The following EDNRB variants were observed in gnomAD, a reference collection of about 807,000 sequenced individuals.
EDNRB encodes the protein Hirschsprung disease 2.
A neutral mutation model predicts 46.4 loss-of-function variants in EDNRB; 18 were observed. That is an observed-to-expected ratio of 0.39 (90% CI 0.27 to 0.57). The LOEUF is 0.57. Ranked by LOEUF, EDNRB falls within the 20% of genes least tolerant of loss-of-function variation. The pLI, the probability that EDNRB is intolerant of heterozygous loss-of-function variation, is 0.61. For missense variants in EDNRB, 434 were observed against 537.5 expected, an observed-to-expected ratio of 0.81 and a Z score of 1.90; for synonymous variants, 213 against 204.9, an observed-to-expected ratio of 1.04 and a Z score of -0.34.
chr13:77,918,294 T>C lies in EDNRB; in HGVS notation c.280A>G (p.Ile94Val), dbSNP rs772055405. 1.2e-6 allele frequency: 2 copies of C among 1,611,598 alleles called. No individual in the cohort carries two copies. Among genetic ancestry groups the C allele is most frequent in the African/African-American group, 2.7e-5 (2 of 74,692 alleles). ...TISPPPCQGP[I>V]EIKETFKYIN... is the part of the protein sequence containing the mutation. Reference sequence around the variant, plus strand: ...TATTTGAAAGTCTCCTTGATCTCGATGGGTCCTTGGCACGGGGGAGGGGAG... The same window carrying C: ...TATTTGAAAGTCTCCTTGATCTCGACGGGTCCTTGGCACGGGGGAGGGGAG... Residue 94 changes from isoleucine to valine, a missense_variant, in exon 1 of 7, where the codon ATC becomes GTC. Transcript: ENST00000646607. This position sits in a 1 kb window ranked among gnomAD's most constrained non-coding sequence, Gnocchi z 4.5.
At chr13:77,917,952 A>G (rs781399496) in intron 1 of EDNRB, 139 bp downstream of exon 1, 73 of 1,352,678 alleles carry the variant, frequency 5.4e-5, no homozygotes, top group Non-Finnish European at 7.1e-5. Context: ...ATTTGGTTCC[A>G]AAGATTACTG....
At chr13:77,970,015 C>T (rs1042588257) in intron 1 of EDNRB, among the ~76,000 whole-genome samples, 2 of 152,140 alleles carry the variant, frequency 1.3e-5, no homozygotes, top group Non-Finnish European at 2.9e-5. Context: ...CTTTAACATT[C>T]CCACTTGCCT....
chr13:77,945,901 A>AAAAAAAAAAAAAAAAAAAAAAAAC (rs1391892820), intron 1 of EDNRB, among the ~76,000 whole-genome samples: 2 of 150,708 alleles, frequency 1.3e-5, no homozygotes, highest in Non-Finnish European at 3.0e-5. Context: ...AAACAAAAAA[A>AAAAAAAAAAAAAAAAAAAAAAAAC]ACACACAATC....
intron 1 of EDNRB, among the ~76,000 whole-genome samples, chr13:77,907,962 G>A (rs1461016456): frequency 1.6e-5 from 2 of 128,626 alleles, no homozygotes; most frequent in Admixed American, 9.5e-5. Flanking sequence ...AGTCAGACAC[G>A]TAATCACCAC....
intron 1 of EDNRB, among the ~76,000 whole-genome samples, chr13:77,948,386 C>T (rs1045207402): frequency 5.9e-5 from 9 of 152,134 alleles, no homozygotes; most frequent in Non-Finnish European, 1.0e-4. Context: ...TCCCTGAGAT[C>T]CATGTCTTTA....
intron 1 of EDNRB, among the ~76,000 whole-genome samples, chr13:77,910,669 A>G (rs2137627071): frequency 6.6e-6 from 1 of 152,132 alleles, no homozygotes; most frequent in East Asian, 1.9e-4. Context: ...TGAGTTAGAA[A>G]TATGTGGGTC....
chr13:77,898,849 C>A (rs1594354854), intron 6 of EDNRB, among the ~76,000 whole-genome samples: 1 of 151,952 alleles, frequency 6.6e-6, no homozygotes, highest in Non-Finnish European at 1.5e-5. Flanking sequence ...TGCTTTTTCT[C>A]ACTTGACAGT....
In EDNRB at chr13:77,896,823, C is replaced by T. The variant is rs1054861034; in HGVS notation, c.*1377G>A. 9.5e-6 allele frequency: 11 copies of T among 1,163,712 alleles called. No individual in the cohort carries two copies. In the Admixed American group the frequency reaches 4.3e-4, roughly 46 times the overall value. The allele number at this position is 1,163,712 out of a possible 1,614,324, so 72.1% of individuals were successfully genotyped here. A position where few individuals can be genotyped will look rare whatever the true frequency, so the allele number is the denominator to read the frequency against. On this transcript the variant is annotated 3_prime_UTR_variant, in exon 7 of 7. Transcript: ENST00000646607. ...GTACATACTTTCACACACATCTCAT[C>T]CCAAGCTATCCTAAGGCACTTTGCT...
intron 1 of EDNRB, among the ~76,000 whole-genome samples, chr13:77,965,097 A>G (rs1881543580): frequency 6.6e-6 from 1 of 152,112 alleles, no homozygotes; most frequent in South Asian, 2.1e-4. Context: ...AAAGCTATGA[A>G]CCTGTCCTAG....
At position 77,972,080 on chromosome 13, in the gene EDNRB, G is replaced by T. The variant is rs191138889; in HGVS notation, c.-52+3267C>A. On this transcript the variant is annotated intron_variant, in intron 1 of 7. Coordinates refer to the EDNRB transcript ENST00000646948. ...AGAGACATGAAGTGAACTTAATGTT[G>T]GGAAGCGGAAGCTGGATGGCCCTTG... Among the ~76,000 whole-genome samples the T allele has an allele frequency of 1.1e-4, 16 of 152,340 alleles. No individual in the cohort carries two copies. The East Asian group carries it at 3.1e-3, about 29-fold the overall frequency.
In EDNRB at chr13:77,968,168, A is replaced by AT. The variant is rs1398833108; in HGVS notation, c.-52+7178dup. ...CCCATATATTTACATACTATAATGC[A>AT]TTTTTTTTTAATGTGAAGATTAGTT... On this transcript the variant is annotated intron_variant, in intron 1 of 7. Coordinates refer to the EDNRB transcript ENST00000646948. Among the ~76,000 whole-genome samples, 45 of 151,002 alleles carry AT rather than the reference A, an allele frequency of 3.0e-4. No individual in the cohort carries two copies. The South Asian group carries it at 4.8e-3, about 16-fold the overall frequency.
chr13:77,961,507 G>A (rs1042397525), intron 1 of EDNRB, among the ~76,000 whole-genome samples: 1 of 152,150 alleles, frequency 6.6e-6, no homozygotes, highest in Non-Finnish European at 1.5e-5. Context: ...CATGGAAACT[G>A]AACAACCCAC....
intron 1 of EDNRB, among the ~76,000 whole-genome samples, chr13:77,973,798 C>T (rs905485400): frequency 9.2e-5 from 14 of 151,838 alleles, no homozygotes; most frequent in Admixed American, 8.5e-4. Context: ...TCATGACTTT[C>T]GCAGGCAGTT....
intron 1 of EDNRB, among the ~76,000 whole-genome samples, chr13:77,952,104 C>T (rs1246098409): frequency 6.6e-6 from 1 of 152,026 alleles, no homozygotes; most frequent in African/African-American, 2.4e-5. Flanking sequence ...GCTCTTGGAT[C>T]TCATGCAAGA....
intron 3 of EDNRB, among the ~76,000 whole-genome samples, chr13:77,901,976 C>T (rs1421928619): frequency 1.3e-5 from 2 of 151,858 alleles, no homozygotes; most frequent in African/African-American, 2.4e-5. Flanking sequence ...TAAGCCAGCC[C>T]CCTTTGCATT....
intron 1 of EDNRB, among the ~76,000 whole-genome samples, chr13:77,955,887 A>ATCTG (rs1456786336): frequency 6.7e-6 from 1 of 150,142 alleles, no homozygotes; most frequent in East Asian, 2.0e-4. Context: ...CTATCTATCT[A>ATCTG]TCTATCTATT....
intron 1 of EDNRB, among the ~76,000 whole-genome samples, chr13:77,936,325 A>C (rs1880563286): frequency 6.6e-6 from 1 of 152,114 alleles, no homozygotes; most frequent in Non-Finnish European, 1.5e-5. Flanking sequence ...GCAGGTGGGG[A>C]TAACTAAAAA....
At chr13:77,954,051 A>C (rs1308432517) in intron 1 of EDNRB, among the ~76,000 whole-genome samples, 1 of 152,120 alleles carries the variant, frequency 6.6e-6, no homozygotes, top group Non-Finnish European at 1.5e-5. Context: ...CCCTATCTAT[A>C]TCCTTATCTA....
At chr13:77,919,686 G>A, upstream of EDNRB, 1 of 1,437,048 alleles carries the variant, frequency 7.0e-7, no homozygotes. Flanking sequence ...TTTCCCCTTG[G>A]GCGATGCCTG....
Sources: gnomAD v4.1 joint callset for allele counts (sites outside exome capture counted in the v4.1 genomes callset) on GRCh38, gnomAD v4.1.1 for gene constraint, Gnocchi (gnomAD v3.1) non-coding constraint, MANE v1.5 for transcripts, NCBI Gene and HGNC (gene_info 2026-07-23, HGNC 2026-07-21) for gene names.